The following PPA2 variants were observed in gnomAD, a reference collection of about 807,000 sequenced individuals.
The protein encoded by PPA2 is inorganic pyrophosphatase 2, mitochondrial.
A neutral mutation model predicts 49.5 loss-of-function variants in PPA2; 48 were observed. The observed-to-expected ratio is 0.97, with a 90% CI of 0.77 to 1.23. The LOEUF (loss-of-function observed/expected upper bound fraction) is 1.23, where lower values mean the gene tolerates loss of function less well. Among genes scored for constraint, PPA2 ranks in the 50% most tolerant of loss-of-function variants. The pLI is 0.00. For synonymous variants in PPA2, 131 were observed against 139.9 expected (o/e 0.94, Z 0.45); for missense variants, 429 against 410.1 (o/e 1.05, Z -0.40).
At chr4:105,387,574 C>T (rs568941832) in intron 9 of PPA2, among the ~76,000 whole-genome samples, 16 of 152,110 alleles carry the variant, frequency 1.1e-4, no homozygotes, top group South Asian at 2.1e-4. Context: ...GAGTATACAG[C>T]GATTATAATA....
chr4:105,376,544 A>T (rs552586069), intron 10 of PPA2, among the ~76,000 whole-genome samples: 1 of 152,284 alleles, frequency 6.6e-6, no homozygotes, highest in Admixed American at 6.5e-5. Context: ...ATGAATAGGC[A>T]AAAACAGTCA....
intron 10 of PPA2, among the ~76,000 whole-genome samples, chr4:105,375,682 G>C (rs777976811): frequency 1.3e-5 from 2 of 152,108 alleles, no homozygotes; most frequent in African/African-American, 2.4e-5. Context: ...GTTCTGAGCT[G>C]ACTCAGTTTC....
At chr4:105,465,939 A>G (rs1260903515) in intron 1 of PPA2, among the ~76,000 whole-genome samples, 1 of 152,058 alleles carries the variant, frequency 6.6e-6, no homozygotes, top group Admixed American at 6.6e-5. Flanking sequence ...TTCAATCTCT[A>G]CGTCACTTCT....
intron 7 of PPA2, among the ~76,000 whole-genome samples, chr4:105,415,138 C>T (rs1722947742): frequency 6.6e-6 from 1 of 152,204 alleles, no homozygotes; most frequent in Admixed American, 6.5e-5. Flanking sequence ...TAGGTTCTCA[C>T]TCCAGGCCAC....
chr4:105,392,060 A>G (rs1335373653), intron 9 of PPA2, among the ~76,000 whole-genome samples: 1 of 152,174 alleles, frequency 6.6e-6, no homozygotes, highest in Admixed American at 6.5e-5. Flanking sequence ...ACAGAATAGT[A>G]CATTTCTGAT....
chr4:105,402,961 A>C (rs1397892832), intron 7 of PPA2, among the ~76,000 whole-genome samples: 1 of 152,146 alleles, frequency 6.6e-6, no homozygotes, highest in East Asian at 1.9e-4. Context: ...TGTAAAACTG[A>C]AAGCAGTCCT....
rs574467354 is a variant in PPA2 at position 105,465,752 on chromosome 4, C to G, written c.157+8142G>C. ...TGCAGGCCTGTTAGCTGACCACCCCCCAGCAAGACATGTGGGATCCTCTCA... is the reference window on the plus strand; with the variant it reads ...TGCAGGCCTGTTAGCTGACCACCCCGCAGCAAGACATGTGGGATCCTCTCA... On this transcript the variant is annotated intron_variant, in intron 1 of 11. Coordinates refer to ENST00000341695, the MANE Select transcript of PPA2 (RefSeq NM_176869.3). 5.3e-5 allele frequency among the ~76,000 whole-genome samples: 8 copies of G among 152,282 alleles called. No individual in the cohort carries two copies. In the South Asian group the frequency reaches 1.5e-3, roughly 28 times the overall value.
rs1170319524 is a variant in PPA2, at chr4:105,369,623, A to C, written c.*102T>G. On this transcript the variant is annotated 3_prime_UTR_variant, in exon 12 of 12. Coordinates refer to ENST00000341695, the MANE Select transcript of PPA2 (RefSeq NM_176869.3). ...TAGCTCAAAAAGTTTGAAAAAATGA[A>C]GTTTTAACAGGAAGTCAGTAAATGC... 5 of 1,078,610 alleles carry C rather than the reference A, an allele frequency of 4.6e-6. No individual in the cohort carries two copies. The highest frequency in any genetic ancestry group is 1.9e-5 in the Admixed American group (1 of 51,556). 66.8% of individuals were successfully genotyped at this position (1,078,610 alleles called of 1,614,324 possible).
intron 7 of PPA2, among the ~76,000 whole-genome samples, chr4:105,409,353 G>A (rs954736129): frequency 6.6e-6 from 1 of 152,230 alleles, no homozygotes; most frequent in Non-Finnish European, 1.5e-5. Context: ...GAGGAGGGGC[G>A]TCCACCATTG....
intron 6 of PPA2, among the ~76,000 whole-genome samples, chr4:105,435,062 A>C (rs912062074): frequency 6.6e-6 from 1 of 152,180 alleles, no homozygotes; most frequent in Non-Finnish European, 1.5e-5. Flanking sequence ...CAAGTTTTCT[A>C]TATCTGTGGT....
rs183620623 is a variant in PPA2 at position 105,443,868 on chromosome 4, A to C, written c.441+2515T>G. Among the ~76,000 whole-genome samples, 143 of 152,202 alleles carry C rather than the reference A, an allele frequency of 9.4e-4. 1 individual carries two copies. The highest frequency in any genetic ancestry group is 7.0e-3 in the South Asian group (34 of 4,826). On this transcript the variant is annotated intron_variant, in intron 5 of 11. Transcript: ENST00000341695. ...GACTGCTCTTCCTCTAGATGTCCAC[A>C]CTACTTGTTCCCTCACTTCCTTTAG...
intron 1 of PPA2, chr4:105,473,650 A>C: frequency 4.0e-6 from 3 of 746,384 alleles, no homozygotes; most frequent in Admixed American, 1.8e-5. Flanking sequence ...TCTACCCCCC[A>C]GCCGGCAGCC....
intron 3 of PPA2, among the ~76,000 whole-genome samples, 200 bp from the exon 4 acceptor site, chr4:105,449,603 C>T (rs1722582719): frequency 6.6e-6 from 1 of 152,196 alleles, no homozygotes; most frequent in Admixed American, 6.5e-5. Flanking sequence ...GCCACCATGT[C>T]ACTTGAGCAC....
At chr4:105,397,617 G>A (rs1321843397) in intron 8 of PPA2, among the ~76,000 whole-genome samples, 1 of 152,190 alleles carries the variant, frequency 6.6e-6, no homozygotes, top group East Asian at 1.9e-4. Context: ...AGTGTTGGAA[G>A]TGAGGCCTAA....
chr4:105,394,827 G>T (rs1352075900), intron 9 of PPA2, among the ~76,000 whole-genome samples: 1 of 152,110 alleles, frequency 6.6e-6, no homozygotes, highest in African/African-American at 2.4e-5. Context: ...AAGCTTTTTA[G>T]AAAGTGATTA....
intron 9 of PPA2, among the ~76,000 whole-genome samples, chr4:105,392,048 A>G (rs1733943479): frequency 6.6e-6 from 1 of 152,202 alleles, no homozygotes; most frequent in South Asian, 2.1e-4. Flanking sequence ...ATAAAGTAGT[A>G]AACAGAATAG....
intron 1 of PPA2, among the ~76,000 whole-genome samples, chr4:105,461,771 T>A (rs1477153144): frequency 6.6e-6 from 1 of 152,166 alleles, no homozygotes; most frequent in African/African-American, 2.4e-5. Flanking sequence ...ATTTACAGAG[T>A]GTTTCACATG....
chr4:105,468,515 T>C (rs1463189039), intron 1 of PPA2, among the ~76,000 whole-genome samples: 1 of 152,204 alleles, frequency 6.6e-6, no homozygotes, highest in East Asian at 1.9e-4. Flanking sequence ...GGTCGCAGCA[T>C]GGAGGTGACA....
chr4:105,442,189 C>G (rs1419579239), intron 5 of PPA2, among the ~76,000 whole-genome samples: 1 of 152,094 alleles, frequency 6.6e-6, no homozygotes, highest in African/African-American at 2.4e-5. Flanking sequence ...TAATTTGGAG[C>G]AAAAGCCTCT....
Sources: gnomAD v4.1 joint callset for allele counts (sites outside exome capture counted in the v4.1 genomes callset) on GRCh38, gnomAD v4.1.1 for gene constraint, MANE v1.5 for transcripts, NCBI Gene and HGNC (gene_info 2026-07-23, HGNC 2026-07-21) for gene names.